The following RIT2 variants were observed in gnomAD, a reference collection of about 807,000 sequenced individuals.
RIT2 encodes Ras like without CAAX 2.
A neutral mutation model predicts 23.7 loss-of-function variants in RIT2; 24 were observed. The ratio of observed to expected loss-of-function variants is 1.01; its 90% confidence interval spans 0.73 to 1.43. RIT2 has a LOEUF of 1.43. RIT2 is among the 40% of genes most tolerant of loss of function. The pLI is 0.00. For missense variants in RIT2, 236 were observed against 266.9 expected (o/e 0.88, Z 0.81); for synonymous variants, 107 against 91.1 (o/e 1.17, Z -0.99).
intron 4 of RIT2, among the ~76,000 whole-genome samples, chr18:42,769,843 TATAATAATAATAATA>T (rs149525390): frequency 2.8e-5 from 4 of 141,476 alleles, no homozygotes; most frequent in African/African-American, 7.7e-5. Flanking sequence ...AAACTTAAAG[TATAATAATAATAATA>T]ATAATAATAA....
intron 4 of RIT2, among the ~76,000 whole-genome samples, chr18:42,872,232 C>T (rs1033680895): frequency 2.0e-5 from 3 of 152,128 alleles, no homozygotes; most frequent in African/African-American, 7.2e-5. Flanking sequence ...AATCGATTGG[C>T]TGATATGGCT....
intron 4 of RIT2, among the ~76,000 whole-genome samples, chr18:42,817,676 T>G (rs1341754908): frequency 6.6e-6 from 1 of 152,064 alleles, no homozygotes; most frequent in Non-Finnish European, 1.5e-5. Context: ...AGGGAGGACT[T>G]TAGGGCCAAT....
At chr18:43,109,457 C>T (rs1412897795) in intron 1 of RIT2, among the ~76,000 whole-genome samples, 2 of 152,166 alleles carry the variant, frequency 1.3e-5, no homozygotes, top group Non-Finnish European at 2.9e-5. Context: ...TATAAGCCTT[C>T]AGATCCCTTT....
chr18:42,830,178 T>A (rs1459000847), intron 4 of RIT2, among the ~76,000 whole-genome samples: 1 of 152,200 alleles, frequency 6.6e-6, no homozygotes, highest in Admixed American at 6.5e-5. Context: ...CACACTGAAC[T>A]ATCACTTCTT....
chr18:42,944,631 A>G (rs1909684770), intron 3 of RIT2, among the ~76,000 whole-genome samples: 1 of 152,096 alleles, frequency 6.6e-6, no homozygotes. Flanking sequence ...GTATCGCCCA[A>G]TTCTCTCCAA....
Position 42,885,342 on chromosome 18 carries a change from T to G in RIT2, c.426+38230A>C, listed in dbSNP as rs544130878. ...GGCTCACGCCCCTAATCCCAGCACT[T>G]TGGGAGGCCAAGGTGGGTGGATCAT... is the stretch of plus-strand genomic sequence containing the variant. On this transcript the variant is annotated intron_variant, in intron 4 of 4. Coordinates refer to ENST00000326695, the MANE Select transcript of RIT2 (RefSeq NM_002930.4). 4.6e-5 allele frequency among the ~76,000 whole-genome samples: 7 copies of G among 152,310 alleles called. No homozygotes were observed. In the South Asian group the frequency reaches 1.0e-3, roughly 23 times the overall value.
At chr18:43,031,473 C>T (rs1205795689) in intron 2 of RIT2, among the ~76,000 whole-genome samples, 1 of 152,016 alleles carries the variant, frequency 6.6e-6, no homozygotes, top group Non-Finnish European at 1.5e-5. Context: ...CTTACAAAGA[C>T]AGTAATGTGA....
At chr18:42,992,842 A>ATGCT (rs746422596) in intron 2 of RIT2, among the ~76,000 whole-genome samples, 2 of 152,154 alleles carry the variant, frequency 1.3e-5, no homozygotes, top group East Asian at 1.9e-4. Flanking sequence ...CAACCCTGAG[A>ATGCT]TGCTTTACAG....
intron 4 of RIT2, chr18:42,923,322 T>C (rs1327390304): frequency 2.4e-5 from 10 of 410,502 alleles, no homozygotes; most frequent in Non-Finnish European, 1.7e-5. Flanking sequence ...ATTTCTACTG[T>C]ATTCAGTATA....
rs538187763 is a variant in RIT2 at position 42,821,633 on chromosome 18, C to T, written c.427-77913G>A. ...CCGCAATGCACAGGTAGCCCCCTCT[C>T]AACAAAGAATTACTCAGCTTAAAAT... is the stretch of plus-strand genomic sequence containing the variant. On this transcript the variant is annotated intron_variant, in intron 4 of 4. Transcript: ENST00000326695. 4.6e-5 allele frequency among the ~76,000 whole-genome samples: 7 copies of T among 152,200 alleles called. No individual in the cohort carries two copies. In the East Asian group the frequency reaches 9.7e-4, roughly 21 times the overall value.
At chr18:42,904,351 G>C (rs182761637) in intron 4 of RIT2, among the ~76,000 whole-genome samples, 1 of 152,188 alleles carries the variant, frequency 6.6e-6, no homozygotes, top group East Asian at 1.9e-4. Context: ...GACAGATGCC[G>C]GCCATGACAC....
chr18:42,761,760 C>A (rs535257787), intron 4 of RIT2, among the ~76,000 whole-genome samples: 1 of 152,178 alleles, frequency 6.6e-6, no homozygotes, highest in African/African-American at 2.4e-5. Context: ...TCAGTACAAC[C>A]TTTGCCTCCC....
chr18:42,893,622 T>C (rs1330373383), intron 4 of RIT2, among the ~76,000 whole-genome samples: 2 of 152,234 alleles, frequency 1.3e-5, no homozygotes, highest in Admixed American at 6.5e-5. Context: ...TTTCTAATTT[T>C]AGGATCTTAA....
intron 4 of RIT2, among the ~76,000 whole-genome samples, chr18:42,760,154 G>C (rs972434220): frequency 6.6e-6 from 1 of 152,200 alleles, no homozygotes; most frequent in Non-Finnish European, 1.5e-5. Flanking sequence ...CCCTTGGATT[G>C]TGGGGATATT....
intron 3 of RIT2, among the ~76,000 whole-genome samples, chr18:42,935,929 C>CGCCCTA (rs888258388): frequency 1.3e-5 from 2 of 151,794 alleles, no homozygotes; most frequent in Admixed American, 1.3e-4. Flanking sequence ...GTGGATTTGG[C>CGCCCTA]GCCCTATGCA....
At chr18:42,899,373 G>T (rs1313236824) in intron 4 of RIT2, among the ~76,000 whole-genome samples, 2 of 151,278 alleles carry the variant, frequency 1.3e-5, no homozygotes, top group African/African-American at 4.8e-5. Context: ...CAAGCTGGAG[G>T]GAGAGATCAA....
At chr18:42,879,467 T>TA (rs1166192831) in intron 4 of RIT2, among the ~76,000 whole-genome samples, 1 of 152,128 alleles carries the variant, frequency 6.6e-6, no homozygotes, top group Non-Finnish European at 1.5e-5. Context: ...TTGTTGCTAT[T>TA]ATATTATACA....
intron 2 of RIT2, among the ~76,000 whole-genome samples, chr18:42,999,680 A>G (rs1911061339): frequency 6.6e-6 from 1 of 152,048 alleles, no homozygotes; most frequent in Admixed American, 6.6e-5. Flanking sequence ...GAAATCATTG[A>G]GGATTTTATC....
intron 3 of RIT2, among the ~76,000 whole-genome samples, chr18:42,965,480 T>C (rs193022737): frequency 6.6e-6 from 1 of 152,264 alleles, no homozygotes; most frequent in Admixed American, 6.5e-5. Context: ...ACTAATGTGA[T>C]CTTTCATATA....
Sources: gnomAD v4.1 joint callset for allele counts (sites outside exome capture counted in the v4.1 genomes callset) on GRCh38, gnomAD v4.1.1 for gene constraint, MANE v1.5 for transcripts, NCBI Gene and HGNC (gene_info 2026-07-23, HGNC 2026-07-21) for gene names.